The following MGMT variants were observed in gnomAD, a reference collection of about 807,000 sequenced individuals.
MGMT encodes methylated-DNA--protein-cysteine methyltransferase.
MGMT carries 14 observed loss-of-function variants against 15.9 expected under a neutral mutation model. The ratio of observed to expected loss-of-function variants is 0.88; its 90% CI spans 0.58 to 1.37. MGMT has a LOEUF of 1.37. Among genes scored for constraint, MGMT ranks in the 40% most tolerant of loss-of-function variants. The pLI, the probability that MGMT is intolerant of heterozygous loss-of-function variation, is 0.00. For missense variants in MGMT, 282 were observed against 268.1 expected, an observed-to-expected ratio of 1.05 and a Z score of -0.36; for synonymous variants, 130 against 118.2, an observed-to-expected ratio of 1.10 and a Z score of -0.65.
chr10:129,467,432 C>A (rs947027179), intron 1 of MGMT, 136 bp downstream of exon 1: 8 of 1,367,942 alleles, frequency 5.8e-6, no homozygotes, highest in Non-Finnish European at 6.6e-6. Flanking sequence ...CCATCCCGGG[C>A]GAGCTCCAGG....
chr10:129,723,350 T>G (rs1848395516), intron 3 of MGMT, among the ~76,000 whole-genome samples: 1 of 152,160 alleles, frequency 6.6e-6, no homozygotes, highest in South Asian at 2.1e-4. Flanking sequence ...TTAGCTCCCG[T>G]GGATAACCAT....
intron 1 of MGMT, among the ~76,000 whole-genome samples, chr10:129,512,106 G>A (rs961303201): frequency 2.6e-5 from 4 of 152,164 alleles, no homozygotes; most frequent in African/African-American, 7.2e-5. Flanking sequence ...GATGGGGGGC[G>A]CAGAAAGAAA....
chr10:129,698,343 C>A (rs1309956948), intron 2 of MGMT, among the ~76,000 whole-genome samples: 1 of 150,876 alleles, frequency 6.6e-6, no homozygotes, highest in South Asian at 2.1e-4. Context: ...GTGTATAGAT[C>A]GACGTGGCTT....
chr10:129,707,350 G>A (rs1349675488), intron 2 of MGMT, among the ~76,000 whole-genome samples: 4 of 151,908 alleles, frequency 2.6e-5, no homozygotes, highest in Admixed American at 1.3e-4. Flanking sequence ...GCACAGGGCT[G>A]CCCCCGAGAG....
intron 2 of MGMT, among the ~76,000 whole-genome samples, chr10:129,635,950 C>T (rs989875825): frequency 3.3e-5 from 5 of 152,128 alleles, no homozygotes; most frequent in African/African-American, 1.2e-4. Context: ...TGTGTGTTCT[C>T]TATGGCAAAA....
At chr10:129,624,637 C>T (rs1470960243) in intron 2 of MGMT, among the ~76,000 whole-genome samples, 3 of 152,102 alleles carry the variant, frequency 2.0e-5, no homozygotes, top group African/African-American at 7.2e-5. Flanking sequence ...AGGAGGGAAA[C>T]GAAAGGATGA....
intron 3 of MGMT, among the ~76,000 whole-genome samples, chr10:129,720,883 A>ATATTCTAGGTTGTGTG: frequency 1.3e-5 from 2 of 151,638 alleles, no homozygotes; most frequent in Non-Finnish European, 1.5e-5. Flanking sequence ...CAGGGCATGG[A>ATATTCTAGGTTGTGTG]CCCCAAACGC....
intron 3 of MGMT, among the ~76,000 whole-genome samples, chr10:129,739,189 C>T (rs146837150): frequency 1.3e-4 from 20 of 152,240 alleles, no homozygotes; most frequent in African/African-American, 4.8e-4. Flanking sequence ...AAACCCACAG[C>T]CAATATCATA....
chr10:129,582,583 T>G (rs1846569703), intron 2 of MGMT, among the ~76,000 whole-genome samples: 1 of 149,368 alleles, frequency 6.7e-6, no homozygotes, highest in Admixed American at 6.7e-5. Context: ...TGGTTGTTGT[T>G]TTTTTTTTTG....
intron 2 of MGMT, among the ~76,000 whole-genome samples, chr10:129,549,884 C>T (rs543071712): frequency 1.1e-3 from 167 of 152,180 alleles, no homozygotes; most frequent in African/African-American, 3.9e-3. Flanking sequence ...AATCCATTTA[C>T]AGTTTATTTG....
intron 1 of MGMT, among the ~76,000 whole-genome samples, chr10:129,470,522 A>G (rs1352756588): frequency 1.3e-5 from 2 of 152,198 alleles, no homozygotes; most frequent in Non-Finnish European, 2.9e-5. Flanking sequence ...AGAGGAAGAA[A>G]TCATTTTTGT....
In MGMT at chr10:129,655,319, AGTG is replaced by A. The variant is rs534322717; in HGVS notation, c.126-52573_126-52571del. Reference sequence around the variant, plus strand: ...GGGGCCGCCTCCGAGCATGCGGAGAAGTGGTTTGCATGGCTGGAAGTCAATGTT... The same window carrying A: ...GGGGCCGCCTCCGAGCATGCGGAGAAGTTTGCATGGCTGGAAGTCAATGTT... On this transcript the variant is annotated intron_variant, in intron 2 of 4. Coordinates refer to ENST00000651593, the MANE Select transcript of MGMT (RefSeq NM_002412.5). Among the ~76,000 whole-genome samples, 343 of 152,320 alleles carry A rather than the reference AGTG, an allele frequency of 2.3e-3. 1 individual carries two copies. The highest frequency in any genetic ancestry group is 7.9e-3 in the African/African-American group (327 of 41,582).
intron 2 of MGMT, among the ~76,000 whole-genome samples, chr10:129,561,324 C>T (rs1970197): frequency 0.41 from 61,965 of 151,758 alleles, 13,224 homozygotes; most frequent in East Asian, 0.63. Context: ...AGGGTGCAGG[C>T]GGTGAGACGG....
At chr10:129,665,002 A>G (rs1847640739) in intron 2 of MGMT, among the ~76,000 whole-genome samples, 1 of 152,204 alleles carries the variant, frequency 6.6e-6, no homozygotes, top group African/African-American at 2.4e-5. Context: ...GCTGAATTAC[A>G]GCCACCAGGG....
intron 2 of MGMT, among the ~76,000 whole-genome samples, chr10:129,604,243 G>A (rs924987946): frequency 1.5e-4 from 23 of 152,216 alleles, no homozygotes; most frequent in African/African-American, 5.3e-4. Context: ...ACAAGCTAGT[G>A]AAGTGGATGG....
intron 1 of MGMT, among the ~76,000 whole-genome samples, chr10:129,530,281 T>C (rs1176218164): frequency 6.6e-6 from 1 of 152,188 alleles, no homozygotes; most frequent in Admixed American, 6.5e-5. Flanking sequence ...AGAATGCAGA[T>C]AAAAAAGGAA....
intron 2 of MGMT, among the ~76,000 whole-genome samples, chr10:129,594,227 C>T (rs1846724343): frequency 6.6e-6 from 1 of 152,126 alleles, no homozygotes; most frequent in Non-Finnish European, 1.5e-5. Context: ...TGGGCTTAAG[C>T]TTTCCTTTTG....
intron 2 of MGMT, among the ~76,000 whole-genome samples, chr10:129,672,740 G>A (rs1847738666): frequency 6.6e-6 from 1 of 152,086 alleles, no homozygotes. Context: ...CTGCTTGAAG[G>A]TAGTAAAGCA....
intron 2 of MGMT, among the ~76,000 whole-genome samples, chr10:129,542,367 G>A (rs991322864): frequency 2.0e-5 from 3 of 152,170 alleles, no homozygotes; most frequent in Non-Finnish European, 4.4e-5. Flanking sequence ...CGGGCCATGA[G>A]AACCTTCCTG....
Sources: allele counts gnomAD v4.1 joint callset (sites outside exome capture counted in the v4.1 genomes callset), GRCh38; gene constraint gnomAD v4.1.1; transcripts MANE v1.5; gene names NCBI Gene and HGNC (gene_info 2026-07-23, HGNC 2026-07-21).